Variants in STAG2 observed in about 807,000 individuals in gnomAD.
STAG2 encodes the protein cohesin subunit SA-2.
In STAG2, 14 loss-of-function variants were observed where a neutral mutation model predicts 108.1. The ratio of observed to expected loss-of-function variants is 0.13; its 90% CI spans 0.09 to 0.20. The LOEUF is 0.20. STAG2 is among the 10% of genes least tolerant of loss of function. The probability of loss-of-function intolerance (pLI) is 1.00; values close to 1 mark genes in which losing one functional copy is unlikely to be tolerated. For missense variants in STAG2, 440 were observed against 940.9 expected (o/e 0.47, Z 6.96); for synonymous variants, 307 against 302.7 (o/e 1.01, Z -0.15).
At chrX:123,983,995 T>TTTTTTTTTTTTTTTTTG (rs761746498) in intron 1 of STAG2, among the ~76,000 whole-genome samples, 1 of 86,798 alleles carries the variant, frequency 1.2e-5, no homozygotes, top group Admixed American at 1.3e-4. Context: ...TTTTTTTTTT[T>TTTTTTTTTTTTTTTTTG]GAGACGGGGT....
intron 4 of STAG2, 73 bp from the exon 5 acceptor site, chrX:124,030,888 A>G: frequency 1.9e-6 from 2 of 1,050,349 alleles, no homozygotes; most frequent in Non-Finnish European, 2.5e-6. Flanking sequence ...CCTATCAGCT[A>G]CTTCTACTGT....
In STAG2 at chrX:124,051,382, C is replaced by G; in HGVS notation, c.1184C>G (p.Thr395Ser). The G allele has an allele frequency of 8.4e-7, 1 of 1,186,422 alleles. No individual in the cohort carries two copies. Among genetic ancestry groups the G allele is most frequent in the Non-Finnish European group, 1.1e-6 (1 of 877,310 alleles). Residue 395 changes from threonine (T) to serine (S), a missense_variant, in exon 13 of 35, where the codon ACT becomes AGT. By Grantham distance (58) the Thr-to-Ser change is moderately conservative. Around this residue, in one of 3 missense-constraint regions of STAG2, gnomAD observed 337 missense variants for 649.3 expected, o/e 0.52. Transcript: ENST00000371145. ...GCAGTACAAGCAATAAAATTACTCA[C>G]TCTTGTTTTACAGTAAGTATGTATT... ...DVAVQAIKLL[T>S]LVLQSSEEVL...
intron 26 of STAG2, among the ~76,000 whole-genome samples, chrX:124,077,337 A>G (rs1347243652): frequency 9.0e-6 from 1 of 110,864 alleles, no homozygotes; most frequent in East Asian, 2.8e-4. Context: ...GTCACTTACT[A>G]GTCATAGGGA....
intron 1 of STAG2, among the ~76,000 whole-genome samples, chrX:123,978,922 G>A (rs1299799034): frequency 1.8e-5 from 2 of 111,869 alleles, no homozygotes; most frequent in East Asian, 5.6e-4. Flanking sequence ...CTGTGTGCCA[G>A]ATAATAGGCT....
At position 124,009,392 on chromosome X, in the gene STAG2, C is replaced by CAGGTAGGTAGGT. The variant is rs748240892; in HGVS notation, c.-162-11932_-162-11921dup. ...TGATATCTGGTACCAGTAATCTAAC[C>CAGGTAGGTAGGT]AGGTAGGTAGGTAGGTAGGTAGGTA... On this transcript the variant is annotated intron_variant, in intron 1 of 34. Transcript: ENST00000371145. 2.0e-3 allele frequency among the ~76,000 whole-genome samples: 177 copies of CAGGTAGGTAGGT among 90,545 alleles called. 3 individuals carry two copies. Among genetic ancestry groups the CAGGTAGGTAGGT allele is most frequent in the African/African-American group, 6.8e-3 (167 of 24,506 alleles). The allele number at this position is 90,545 out of a possible 115,157, so 78.6% of individuals were successfully genotyped here.
intron 15 of STAG2, among the ~76,000 whole-genome samples, chrX:124,060,083 C>T (rs1257892261): frequency 9.0e-6 from 1 of 111,506 alleles, no homozygotes; most frequent in Non-Finnish European, 1.9e-5. Context: ...TTGCACACCC[C>T]CTCCTCCCCC....
chrX:123,974,565 G>C (rs2054529237), intron 1 of STAG2, among the ~76,000 whole-genome samples: 1 of 99,788 alleles, frequency 1.0e-5, no homozygotes, highest in Non-Finnish European at 2.0e-5. Context: ...GTTATCCAAA[G>C]GTTGATACCT....
At chrX:124,002,340 A>G (rs1195658218) in intron 1 of STAG2, among the ~76,000 whole-genome samples, 1 of 112,164 alleles carries the variant, frequency 8.9e-6, no homozygotes, top group Non-Finnish European at 1.9e-5. Flanking sequence ...AAAATCTTAC[A>G]ATAGTAGATA....
chrX:123,975,250 ATAT>A (rs2054565959), intron 1 of STAG2, among the ~76,000 whole-genome samples: 2 of 111,989 alleles, frequency 1.8e-5, no homozygotes, highest in Non-Finnish European at 3.8e-5. Flanking sequence ...AATGTAGGAA[ATAT>A]TATTAGCAAA....
At chrX:124,084,659 T>C (rs1421020226) in intron 29 of STAG2, among the ~76,000 whole-genome samples, 1 of 112,322 alleles carries the variant, frequency 8.9e-6, no homozygotes, top group Non-Finnish European at 1.9e-5. Flanking sequence ...CACAGGTCTA[T>C]GTTCAGTTAT....
At chrX:123,987,553 A>G (rs2055255809) in intron 1 of STAG2, among the ~76,000 whole-genome samples, 1 of 112,005 alleles carries the variant, frequency 8.9e-6, no homozygotes, top group Middle Eastern at 4.2e-3. Context: ...CGGCCTTTAA[A>G]TTTTTTTGTA....
chrX:124,037,663 G>A, intron 6 of STAG2, 40 bp downstream of exon 6: 2 of 924,097 alleles, frequency 2.2e-6, no homozygotes, highest in Non-Finnish European at 1.5e-6. Flanking sequence ...CTCTCAAATA[G>A]TCACTTCGTT....
intron 1 of STAG2, among the ~76,000 whole-genome samples, chrX:124,019,935 C>T (rs2056869217): frequency 8.9e-6 from 1 of 112,239 alleles, no homozygotes; most frequent in South Asian, 3.6e-4. Flanking sequence ...AAGACCTTGT[C>T]TGTCTGTCTC....
At chrX:124,059,444 C>T (rs1204572171) in intron 15 of STAG2, among the ~76,000 whole-genome samples, 1 of 111,889 alleles carries the variant, frequency 8.9e-6, no homozygotes, top group Non-Finnish European at 1.9e-5. Flanking sequence ...CCCTTTTATT[C>T]TTTTCTTTGC....
intron 6 of STAG2, 119 bp downstream of exon 6, chrX:124,037,742 T>G: frequency 7.1e-6 from 2 of 280,313 alleles, no homozygotes; most frequent in South Asian, 2.5e-4. Flanking sequence ...TTGCATCATA[T>G]CCATATAAAA....
intron 15 of STAG2, 23 bp from the exon 16 acceptor site, chrX:124,061,201 A>G (rs752737619): frequency 1.8e-6 from 2 of 1,116,161 alleles, no homozygotes; most frequent in Admixed American, 2.3e-5. Flanking sequence ...GTCTAAGACC[A>G]CATTGCTCTT....
At chrX:124,014,447 A>C (rs1160949735) in intron 1 of STAG2, among the ~76,000 whole-genome samples, 1 of 109,166 alleles carries the variant, frequency 9.2e-6, no homozygotes. Flanking sequence ...TGCAGCCTCC[A>C]CCTCCTGGGT....
At chrX:124,089,178 G>C (rs1483460124) in intron 30 of STAG2, among the ~76,000 whole-genome samples, 1 of 111,136 alleles carries the variant, frequency 9.0e-6, no homozygotes, top group Non-Finnish European at 1.9e-5. Flanking sequence ...CAAAGTGCTG[G>C]GATTATAGGC....
At chrX:124,015,896 T>G (rs913890958) in intron 1 of STAG2, among the ~76,000 whole-genome samples, 3 of 111,477 alleles carry the variant, frequency 2.7e-5, no homozygotes, top group Non-Finnish European at 5.6e-5. Context: ...AACAGACTTC[T>G]GTATGCTGTC....
Sources: gnomAD v4.1 joint callset for allele counts (sites outside exome capture counted in the v4.1 genomes callset) on GRCh38, gnomAD v4.1.1 for gene constraint, gnomAD v4.1.1 regional missense constraint, MANE v1.5 for transcripts, NCBI Gene and HGNC (gene_info 2026-07-23, HGNC 2026-07-21) for gene names.